The following CCSER1 variants were observed in gnomAD, a reference collection of about 807,000 sequenced individuals.
CCSER1 encodes coiled-coil serine rich protein 1, also known as serine-rich coiled-coil domain-containing protein 1.
A neutral mutation model predicts 82.0 loss-of-function variants in CCSER1; 41 were observed. That is an observed-to-expected ratio of 0.50 (90% confidence interval 0.39 to 0.65). The LOEUF is 0.65. Among genes scored for constraint, CCSER1 ranks in the 30% least tolerant of loss-of-function variants. The probability of loss-of-function intolerance (pLI) is 0.00; values close to 1 mark genes in which losing one functional copy is unlikely to be tolerated. For synonymous variants in CCSER1, 414 were observed against 383.9 expected (o/e 1.08, Z -0.92); for missense variants, 1,119 against 1,064.2 (o/e 1.05, Z -0.72).
At chr4:90,227,088 AC>A (rs898125670) in intron 1 of CCSER1, among the ~76,000 whole-genome samples, 4 of 152,124 alleles carry the variant, frequency 2.6e-5, no homozygotes, top group African/African-American at 9.7e-5. Context: ...TCTCTGCATA[AC>A]CCTTTTTCAT....
At chr4:90,562,137 C>G (rs1161754322) in intron 5 of CCSER1, among the ~76,000 whole-genome samples, 1 of 150,798 alleles carries the variant, frequency 6.6e-6, no homozygotes, top group African/African-American at 2.5e-5. Context: ...TTGCAGTGAG[C>G]CCAGATTATG....
intron 6 of CCSER1, among the ~76,000 whole-genome samples, chr4:90,694,074 C>T (rs1246379941): frequency 6.6e-6 from 1 of 151,836 alleles, no homozygotes; most frequent in African/African-American, 2.4e-5. Flanking sequence ...TATATTTGTT[C>T]TAATAGTCTT....
chr4:90,246,279 G>A (rs1019696583), intron 1 of CCSER1, among the ~76,000 whole-genome samples: 5 of 152,024 alleles, frequency 3.3e-5, no homozygotes, highest in African/African-American at 1.2e-4. Flanking sequence ...TTTTTTCAAG[G>A]TCGTACAGTT....
At chr4:91,258,981 C>A (rs918423223) in intron 10 of CCSER1, among the ~76,000 whole-genome samples, 4 of 152,018 alleles carry the variant, frequency 2.6e-5, no homozygotes, top group South Asian at 4.1e-4. Context: ...TCAAAAATGA[C>A]TTTAAATTCT....
chr4:90,837,058 T>C (rs1037592030), intron 8 of CCSER1, among the ~76,000 whole-genome samples: 1 of 152,130 alleles, frequency 6.6e-6, no homozygotes, highest in Admixed American at 6.5e-5. Flanking sequence ...ATAAAAAATA[T>C]TGTAAAAATT....
chr4:91,099,920 GA>G (rs549088990), intron 10 of CCSER1, among the ~76,000 whole-genome samples: 1 of 151,740 alleles, frequency 6.6e-6, no homozygotes, highest in African/African-American at 2.4e-5. Flanking sequence ...GGGCCAGGAA[GA>G]AAAAAAACTA....
chr4:91,548,655 T>C (rs1422444289), intron 10 of CCSER1, among the ~76,000 whole-genome samples: 1 of 152,096 alleles, frequency 6.6e-6, no homozygotes, highest in African/African-American at 2.4e-5. Context: ...TTTTTCTCTC[T>C]CAATATTTTA....
intron 10 of CCSER1, among the ~76,000 whole-genome samples, chr4:91,377,825 A>G (rs1441809523): frequency 2.6e-5 from 4 of 152,144 alleles, no homozygotes; most frequent in African/African-American, 7.2e-5. Flanking sequence ...GTCCTTGCCC[A>G]TGCCTATGTC....
intron 1 of CCSER1, chr4:90,235,124 T>TA (rs1488090882): frequency 1.3e-5 from 2 of 152,356 alleles, no homozygotes; most frequent in Admixed American, 1.3e-4. Flanking sequence ...AATATGTTGT[T>TA]ATCACTAACT....
intron 3 of CCSER1, among the ~76,000 whole-genome samples, chr4:90,379,843 T>A (rs79299832): frequency 0.029 from 4,396 of 152,178 alleles, 174 homozygotes; most frequent in African/African-American, 0.098. Context: ...GGAAGCATAG[T>A]GGATTTGGCT....
At chr4:90,346,123 A>C (rs1257795386) in intron 3 of CCSER1, among the ~76,000 whole-genome samples, 1 of 152,068 alleles carries the variant, frequency 6.6e-6, no homozygotes, top group Non-Finnish European at 1.5e-5. Flanking sequence ...AAGTTAAAAC[A>C]CATTTTACCC....
intron 1 of CCSER1, among the ~76,000 whole-genome samples, chr4:90,163,027 A>G (rs1032584693): frequency 4.6e-5 from 7 of 152,130 alleles, no homozygotes; most frequent in Non-Finnish European, 8.8e-5. Flanking sequence ...TGTTTGTTTC[A>G]GTTTATCATG....
intron 10 of CCSER1, among the ~76,000 whole-genome samples, chr4:91,092,809 C>A (rs1724102008): frequency 6.6e-6 from 1 of 152,106 alleles, no homozygotes; most frequent in Non-Finnish European, 1.5e-5. Context: ...AGTAGGGGGG[C>A]TGTGACTGAT....
intron 10 of CCSER1, among the ~76,000 whole-genome samples, chr4:91,365,609 A>C (rs953957374): frequency 6.6e-6 from 1 of 152,226 alleles, no homozygotes; most frequent in Non-Finnish European, 1.5e-5. Flanking sequence ...TTAGTAATTT[A>C]TAAAGGAATA....
intron 5 of CCSER1, among the ~76,000 whole-genome samples, chr4:90,514,234 A>G (rs1771939582): frequency 6.6e-6 from 1 of 152,204 alleles, no homozygotes; most frequent in Non-Finnish European, 1.5e-5. Flanking sequence ...AATGATTACT[A>G]AAATGACCTA....
At chr4:91,478,190 C>T (rs1336467416) in intron 10 of CCSER1, among the ~76,000 whole-genome samples, 2 of 151,846 alleles carry the variant, frequency 1.3e-5, no homozygotes, top group Non-Finnish European at 1.5e-5. Flanking sequence ...ACTTGCTGGA[C>T]TAACTGATTT....
chr4:90,829,586 TTGAC>T (rs965508036), intron 8 of CCSER1, among the ~76,000 whole-genome samples: 2 of 152,130 alleles, frequency 1.3e-5, no homozygotes, highest in African/African-American at 4.8e-5. Context: ...CAGAAAGAAT[TTGAC>T]TGAGGGGCAT....
rs530477925 is a variant in CCSER1, at chr4:91,187,962, A to G, written c.2217+101968A>G. ...ATCATGAGAAGTTTTTTTTTGTTAA[A>G]TGTTGCTATGATAGTAACCTTATGA... is the stretch of plus-strand genomic sequence containing the variant. On this transcript the variant is annotated intron_variant, in intron 10 of 10. Coordinates refer to ENST00000509176, the MANE Select transcript of CCSER1 (RefSeq NM_001145065.2). Among the ~76,000 whole-genome samples the G allele has an allele frequency of 2.6e-5, 4 of 152,288 alleles. No individual in the cohort carries two copies. In the East Asian group the frequency reaches 5.8e-4, roughly 22 times the overall value.
intron 8 of CCSER1, 34 bp downstream of exon 8, chr4:90,815,879 C>T (rs1227443933): frequency 2.1e-6 from 3 of 1,437,034 alleles, no homozygotes; most frequent in East Asian, 5.0e-5. Context: ...CACGAGTGTA[C>T]TTTACTTTCA....
Sources: gnomAD v4.1 joint callset for allele counts (sites outside exome capture counted in the v4.1 genomes callset) on GRCh38, gnomAD v4.1.1 for gene constraint, MANE v1.5 for transcripts, NCBI Gene and HGNC (gene_info 2026-07-23, HGNC 2026-07-21) for gene names.